The following JAM3 variants were observed in gnomAD, a reference collection of about 807,000 sequenced individuals.
JAM3 encodes the protein junctional adhesion molecule C.
A neutral mutation model predicts 39.4 loss-of-function variants in JAM3; 31 were observed. That is an observed-to-expected ratio of 0.79 (90% confidence interval 0.59 to 1.06). The LOEUF (loss-of-function observed/expected upper bound fraction) is 1.06, where lower values mean the gene tolerates loss of function less well. JAM3 is among the 50% of genes least tolerant of loss of function. The pLI is 0.00. For missense variants in JAM3, 455 were observed against 391.4 expected (o/e 1.16, Z -1.37); for synonymous variants, 182 against 148.7 (o/e 1.22, Z -1.63).
Position 134,149,197 on chromosome 11 carries a change from TGA to T in JAM3, c.*20_*21del, listed in dbSNP as rs1943143413. ...TGTGATCTGAGACCCGCGGTGTGGC[TGA>T]GAGCGCACAGAGCGCACGTGCACAT... On this transcript the variant is annotated 3_prime_UTR_variant, in exon 9 of 9. Coordinates refer to ENST00000299106, the MANE Select transcript of JAM3 (RefSeq NM_032801.5). 2 of 1,613,998 alleles carry T rather than the reference TGA, an allele frequency of 1.2e-6. No individual in the cohort carries two copies. The highest frequency in any genetic ancestry group is 1.7e-6 in the Non-Finnish European group (2 of 1,179,860).
intron 1 of JAM3, among the ~76,000 whole-genome samples, chr11:134,094,504 A>G (rs942913262): frequency 2.5e-5 from 3 of 119,480 alleles, no homozygotes; most frequent in East Asian, 4.9e-4. Flanking sequence ...CTTCTCCTGA[A>G]CCCTCCTTAT....
intron 1 of JAM3, among the ~76,000 whole-genome samples, chr11:134,099,215 A>G (rs1411074825): frequency 1.3e-5 from 2 of 152,096 alleles, no homozygotes; most frequent in African/African-American, 2.4e-5. Context: ...AATAAAAATA[A>G]AAATAATACT....
chr11:134,124,753 G>C (rs1390024533), intron 1 of JAM3, among the ~76,000 whole-genome samples: 12 of 152,186 alleles, frequency 7.9e-5, no homozygotes, highest in Admixed American at 4.6e-4. Context: ...AGGCCGGTCG[G>C]TGTGTCCAGG....
chr11:134,082,126 G>A (rs1317466061), intron 1 of JAM3, among the ~76,000 whole-genome samples: 1 of 152,148 alleles, frequency 6.6e-6, no homozygotes, highest in African/African-American at 2.4e-5. Flanking sequence ...CTTGCATGGG[G>A]CCTATAGCCC....
chr11:134,075,607 T>G (rs1941554308), intron 1 of JAM3, among the ~76,000 whole-genome samples: 1 of 152,168 alleles, frequency 6.6e-6, no homozygotes. Flanking sequence ...AACATTTTTT[T>G]GTAGAAACAA....
intron 1 of JAM3, among the ~76,000 whole-genome samples, chr11:134,138,189 G>C: frequency 9.5e-6 from 1 of 105,702 alleles, no homozygotes; most frequent in South Asian, 2.7e-4. Context: ...TCGAAGTCGT[G>C]GTGCTCATAC....
rs759557198 is a variant in JAM3, at chr11:134,149,524, G to A, written c.*343G>A. On this transcript the variant is annotated 3_prime_UTR_variant, in exon 9 of 9. Coordinates refer to ENST00000299106, the MANE Select transcript of JAM3 (RefSeq NM_032801.5). ...AAACGCCCGTGCTGGGCCCTGTGAAGCCAGCATGTTCACCACTGGTCGTTC... is the reference window on the plus strand; with the variant it reads ...AAACGCCCGTGCTGGGCCCTGTGAAACCAGCATGTTCACCACTGGTCGTTC... The A allele has an allele frequency of 2.6e-5, 13 of 507,024 alleles. No individual in the cohort carries two copies. The highest frequency in any genetic ancestry group is 4.2e-5 in the Non-Finnish European group (11 of 263,056). The allele number at this position is 507,024 out of a possible 1,614,324, so 31.4% of individuals were successfully genotyped here.
intron 1 of JAM3, among the ~76,000 whole-genome samples, chr11:134,094,147 C>A (rs1341856275): frequency 1.4e-5 from 2 of 146,340 alleles, no homozygotes; most frequent in Admixed American, 6.8e-5. Context: ...TTCCACCTTA[C>A]ATGTCACTTC....
chr11:134,140,635 C>G (rs1321215529), intron 2 of JAM3, 22 bp from the exon 3 acceptor site: 3 of 1,599,272 alleles, frequency 1.9e-6, no homozygotes, highest in African/African-American at 2.7e-5. Context: ...ACCGAGAGCT[C>G]TTTTTCTTCT....
Position 134,081,081 on chromosome 11 carries a change from G to A in JAM3, c.76+11922G>A, listed in dbSNP as rs552784565. 3.9e-5 allele frequency among the ~76,000 whole-genome samples: 6 copies of A among 152,282 alleles called. No homozygotes were observed. In the East Asian group the frequency reaches 1.2e-3, roughly 29 times the overall value. On this transcript the variant is annotated intron_variant, in intron 1 of 8. Transcript: ENST00000299106. ...TTGAACTTGAGAGAGGTGATTTAGG[G>A]TATCTAGCGGAAGAAATTTCTAAGC...
intron 1 of JAM3, among the ~76,000 whole-genome samples, chr11:134,135,680 G>A (rs1479931229): frequency 6.6e-6 from 1 of 151,798 alleles, no homozygotes; most frequent in African/African-American, 2.4e-5. Flanking sequence ...TGGGATTACA[G>A]GTGTGATGCC....
intron 1 of JAM3, among the ~76,000 whole-genome samples, chr11:134,097,315 T>C (rs1345958933): frequency 6.6e-6 from 1 of 152,182 alleles, no homozygotes; most frequent in Non-Finnish European, 1.5e-5. Flanking sequence ...CAGTGTTTAG[T>C]GTCTGTGGTT....
intron 1 of JAM3, among the ~76,000 whole-genome samples, chr11:134,127,959 T>C (rs1942683728): frequency 6.6e-6 from 1 of 152,152 alleles, no homozygotes; most frequent in African/African-American, 2.4e-5. Flanking sequence ...GCCTTTCTTG[T>C]TGGGAACCAA....
intron 1 of JAM3, chr11:134,070,262 C>T: frequency 1.8e-5 from 8 of 455,550 alleles, no homozygotes; most frequent in South Asian, 1.2e-4. Flanking sequence ...CACTCTTCCC[C>T]TGGCAGCCAT....
At chr11:134,071,236 C>CT (rs1417013967) in intron 1 of JAM3, among the ~76,000 whole-genome samples, 2 of 152,162 alleles carry the variant, frequency 1.3e-5, no homozygotes, top group Admixed American at 6.5e-5. Context: ...CTTGATAACT[C>CT]TAAGAAGTCG....
intron 1 of JAM3, among the ~76,000 whole-genome samples, chr11:134,139,480 C>A (rs1347725256): frequency 1.3e-5 from 2 of 151,786 alleles, no homozygotes; most frequent in Non-Finnish European, 2.9e-5. Context: ...GGATTGGAAG[C>A]CTGGGGAAGA....
intron 1 of JAM3, among the ~76,000 whole-genome samples, chr11:134,120,287 G>A (rs1942508168): frequency 6.6e-6 from 1 of 152,248 alleles, no homozygotes; most frequent in African/African-American, 2.4e-5. Flanking sequence ...AATGCATGCT[G>A]ACGTGAGTCC....
chr11:134,110,353 C>T (rs1942285895), intron 1 of JAM3, among the ~76,000 whole-genome samples: 1 of 152,160 alleles, frequency 6.6e-6, no homozygotes, highest in South Asian at 2.1e-4. Context: ...AAGATTTGTA[C>T]ACAAATATTT....
intron 1 of JAM3, among the ~76,000 whole-genome samples, chr11:134,123,425 TATGTGCCAAGCATAATGAAGAGTG>T (rs1942575864): frequency 6.6e-6 from 1 of 151,972 alleles, no homozygotes; most frequent in South Asian, 2.1e-4. Flanking sequence ...CAGGGAGATC[TATGTGCCAAGCATAATGAAGAGTG>T]TGCTCCCCAG....
Sources: allele counts gnomAD v4.1 joint callset (sites outside exome capture counted in the v4.1 genomes callset), GRCh38; gene constraint gnomAD v4.1.1; transcripts MANE v1.5; gene names NCBI Gene and HGNC (gene_info 2026-07-23, HGNC 2026-07-21).